LTBR: variants seen among roughly 807,000 people sequenced by gnomAD.
The protein encoded by LTBR is tumor necrosis factor receptor superfamily member 3.
A neutral mutation model predicts 45.4 loss-of-function variants in LTBR; 15 were observed. The ratio of observed to expected loss-of-function variants is 0.33; its 90% CI spans 0.22 to 0.51. The LOEUF (loss-of-function observed/expected upper bound fraction) is 0.51, where lower values mean the gene tolerates loss of function less well. Among genes scored for constraint, LTBR ranks in the 20% least tolerant of loss-of-function variants. The probability of loss-of-function intolerance (pLI) is 0.97; values close to 1 mark genes in which losing one functional copy is unlikely to be tolerated. For synonymous variants in LTBR, 228 were observed against 231.0 expected (o/e 0.99, Z 0.12); for missense variants, 450 against 565.5 (o/e 0.80, Z 2.07).
chr12:6,384,169 C>T lies in LTBR; in HGVS notation c.-190C>T. On this transcript the variant is annotated 5_prime_UTR_variant, in exon 1 of 10. Coordinates refer to ENST00000228918, the MANE Select transcript of LTBR (RefSeq NM_002342.3). Reference sequence around the variant, plus strand: ...CCGCGGCCAGCTCGCTCCACTCCCACTTCCTGAGCTCCGCCATGGGAGCCC... The same window carrying T: ...CCGCGGCCAGCTCGCTCCACTCCCATTTCCTGAGCTCCGCCATGGGAGCCC... 7.7e-7 allele frequency: 1 copy of T among 1,297,304 alleles called. No homozygotes were observed. Among genetic ancestry groups the T allele is most frequent in the Non-Finnish European group, 9.7e-7 (1 of 1,026,978 alleles). The allele number at this position is 1,297,304 out of a possible 1,614,324, so 80.4% of individuals were successfully genotyped here.
chr12:6,376,005 C>G (rs2136917589), intron 1 of LTBR: 1 of 1,005,176 alleles, frequency 9.9e-7, no homozygotes, highest in African/African-American at 1.7e-5. Flanking sequence ...GGAGCCAGCA[C>G]CAAAGGGAGT....
chr12:6,388,619 C>T lies in LTBR; in HGVS notation c.775+114C>T. On this transcript the variant is annotated intron_variant, in intron 7 of 9. Coordinates refer to ENST00000228918, the MANE Select transcript of LTBR (RefSeq NM_002342.3). This position sits in a 1 kb window ranked among gnomAD's most constrained non-coding sequence, Gnocchi z 4.3. ...CAAGACTCCCAATGCCTACCCCCAA[C>T]ATAGACATCCTTATCTTCATCCAGC... 1 of 1,098,148 alleles carries T rather than the reference C, an allele frequency of 9.1e-7. No individual in the cohort carries two copies. The highest frequency in any genetic ancestry group is 1.4e-6 in the Non-Finnish European group (1 of 725,890). The allele number at this position is 1,098,148 out of a possible 1,614,324, so 68.0% of individuals were successfully genotyped here. A position where few individuals can be genotyped will look rare whatever the true frequency, so the allele number is the denominator to read the frequency against.
intron 1 of LTBR, chr12:6,377,243 C>T (rs1342801148): frequency 6.5e-7 from 1 of 1,548,740 alleles, no homozygotes; most frequent in African/African-American, 1.4e-5. Flanking sequence ...ACCAGGTTCC[C>T]TTGCTTACCT....
chr12:6,377,434 C>A (rs969264558), intron 1 of LTBR: 6 of 688,262 alleles, frequency 8.7e-6, no homozygotes, highest in Admixed American at 5.3e-5. Context: ...CTACTTAGCG[C>A]TTTTGCCATT....
Position 6,388,766 on chromosome 12 carries a change from G to C in LTBR, c.776-34G>C, listed in dbSNP as rs373095649. 1 of 1,613,782 alleles carries C rather than the reference G, an allele frequency of 6.2e-7. No homozygotes were observed. The highest frequency in any genetic ancestry group is 1.7e-4 in the Middle Eastern group (1 of 6,022). On this transcript the variant is annotated intron_variant, in intron 7 of 9. Coordinates refer to ENST00000228918, the MANE Select transcript of LTBR (RefSeq NM_002342.3). The surrounding 1 kb of genome is among the most constrained non-coding windows in gnomAD (Gnocchi z 4.3). ...TGAAAGGCTAGGTCTGAGGCCTGCC[G>C]GGGAGCCTACACCCATTTCATTCTC... is the stretch of plus-strand genomic sequence containing the variant.
chr12:6,377,230 C>G lies in LTBR; in HGVS notation c.39+1636C>G, dbSNP rs1364043413. The G allele has an allele frequency of 6.5e-6, 10 of 1,542,656 alleles. No homozygotes were observed. The South Asian group carries it at 1.2e-4, about 19-fold the overall frequency. On this transcript the variant is annotated intron_variant, in intron 1 of 9. Transcript: ENST00000539925. ...TGAAAGCCGGTGTCAACCAGGATTC[C>G]AAACCAGGTTCCCTTGCTTACCTTG...
At chr12:6,384,512 G>A (rs2136927184) in intron 1 of LTBR, 58 bp downstream of exon 1, 1 of 1,599,056 alleles carries the variant, frequency 6.3e-7, no homozygotes, top group African/African-American at 1.3e-5. Flanking sequence ...CTGGGCAGCC[G>A]TCGCTCCATT....
At position 6,386,513 on chromosome 12, in the gene LTBR, A is replaced by G. The variant is rs1419978974; in HGVS notation, c.667+69A>G. On this transcript the variant is annotated intron_variant, in intron 6 of 9. Coordinates refer to ENST00000228918, the MANE Select transcript of LTBR (RefSeq NM_002342.3). The surrounding 1 kb of genome is among the most constrained non-coding windows in gnomAD (Gnocchi z 4.1). ...AATGCCTTAATGCTCCACATCTTAAAAAAAATGGGGAAAAGATGAACACTT... is the reference window on the plus strand; with the variant it reads ...AATGCCTTAATGCTCCACATCTTAAGAAAAATGGGGAAAAGATGAACACTT... 8.2e-7 allele frequency: 1 copy of G among 1,224,718 alleles called. No homozygotes were observed. Among genetic ancestry groups the G allele is most frequent in the East Asian group, 2.4e-5 (1 of 41,584 alleles). The allele number at this position is 1,224,718 out of a possible 1,614,324, so 75.9% of individuals were successfully genotyped here.
At position 6,386,417 on chromosome 12, in the gene LTBR, T is replaced by C. The variant is rs1949048834; in HGVS notation, c.640T>C (p.Leu214=). 6.2e-7 allele frequency: 1 copy of C among 1,613,174 alleles called. No homozygotes were observed. The highest frequency in any genetic ancestry group is 8.5e-7 in the Non-Finnish European group (1 of 1,179,820). The change falls in exon 6 of 10, where the codon TTA becomes CTA. Residue 214 remains leucine (L), a synonymous_variant. Transcript: ENST00000228918. The surrounding 1 kb of genome is among the most constrained non-coding windows in gnomAD (Gnocchi z 4.1). ...GTCCGACACAACCTGCAAAAATCCA[T>C]TAGAGCCACTGCCCCCAGAGATGTC... ...AQSDTTCKNP[L]EPLPPEMSGT...
At chr12:6,382,276 T>C (rs1272165686), upstream of LTBR, among the ~76,000 whole-genome samples, 1 of 152,180 alleles carries the variant, frequency 6.6e-6, no homozygotes, top group African/African-American at 2.4e-5. Context: ...ATGAGGGATT[T>C]GAAGAGTGTG....
At position 6,384,202 on chromosome 12, in the gene LTBR, C is replaced by A; in HGVS notation, c.-157C>A. ...GCTCCGCCATGGGAGCCCTGGAGGC[C>A]CGGCCTGGCCGCTCCCGGCCCTGGG... On this transcript the variant is annotated 5_prime_UTR_variant, in exon 1 of 10. Coordinates refer to ENST00000228918, the MANE Select transcript of LTBR (RefSeq NM_002342.3). 7.6e-7 allele frequency: 1 copy of A among 1,316,700 alleles called. No homozygotes were observed. Among genetic ancestry groups the A allele is most frequent in the Admixed American group, 3.9e-5 (1 of 25,596 alleles). The allele number at this position is 1,316,700 out of a possible 1,614,324, so 81.6% of individuals were successfully genotyped here. A position where few individuals can be genotyped will look rare whatever the true frequency, so the allele number is the denominator to read the frequency against.
intron 1 of LTBR, chr12:6,376,207 C>T (rs748408615): frequency 1.9e-4 from 186 of 984,288 alleles, no homozygotes; most frequent in African/African-American, 2.1e-4. Context: ...AGGTGGGATG[C>T]GTCTGCCTCC....
intron 1 of LTBR, among the ~76,000 whole-genome samples, chr12:6,378,925 A>G (rs1206497437): frequency 1.3e-5 from 2 of 151,896 alleles, no homozygotes; most frequent in Non-Finnish European, 2.9e-5. Flanking sequence ...GCCATAAAAT[A>G]TGCACGGCTG....
In LTBR at chr12:6,388,609, C is replaced by T; in HGVS notation, c.775+104C>T. ...TCCACACCCTCAAGACTCCCAATGC[C>T]TACCCCCAACATAGACATCCTTATC... On this transcript the variant is annotated intron_variant, in intron 7 of 9. Transcript: ENST00000228918. The surrounding 1 kb of genome is among the most constrained non-coding windows in gnomAD (Gnocchi z 4.3). 9.0e-7 allele frequency: 1 copy of T among 1,116,466 alleles called. No homozygotes were observed. Among genetic ancestry groups the T allele is most frequent in the Non-Finnish European group, 1.4e-6 (1 of 739,898 alleles). 69.2% of individuals were successfully genotyped at this position (1,116,466 alleles called of 1,614,324 possible).
At chr12:6,375,485 A>G (rs900837251) in exon 1 of LTBR, 46 of 1,535,546 alleles carry the variant, frequency 3.0e-5, no homozygotes, top group Non-Finnish European at 4.0e-5. Flanking sequence ...TCTGGCAGCC[A>G]AACCTCTCCT....
chr12:6,379,779 A>AT (rs1363424666), upstream of LTBR, among the ~76,000 whole-genome samples: 1 of 151,590 alleles, frequency 6.6e-6, no homozygotes, highest in Non-Finnish European at 1.5e-5. Flanking sequence ...AATTACAAAA[A>AT]AAATTAGCTG....
At chr12:6,375,326 C>A, upstream of LTBR, 1 of 1,441,550 alleles carries the variant, frequency 6.9e-7, no homozygotes. Flanking sequence ...TCACTCTAGG[C>A]CCTCAGCTCC....
chr12:6,384,453 C>G lies in LTBR; in HGVS notation c.95C>G (p.Ala32Gly). The G allele has an allele frequency of 6.4e-7, 1 of 1,556,314 alleles. No homozygotes were observed. Among genetic ancestry groups the G allele is most frequent in the Non-Finnish European group, 8.7e-7 (1 of 1,152,292 alleles). Residue 32 changes from alanine (A) to glycine (G), a missense_variant and splice_region_variant, in exon 1 of 10, where the codon GCG (alanine) becomes GGG (glycine). By Grantham distance (60) the Ala-to-Gly change is moderately conservative. Transcript: ENST00000228918. Reference protein sequence around the residue: ...FGLLAASQPQAVPPYASENQT... With the variant: ...FGLLAASQPQGVPPYASENQT... ...CTCCTGGCAGCATCGCAGCCCCAGG[C>G]GGTGAGGAAGGGGCCTGGTAGGAGT...
At position 6,384,417 on chromosome 12, in the gene LTBR, G is replaced by A; in HGVS notation, c.59G>A (p.Gly20Asp). The change falls in exon 1 of 10, where the codon GGC (glycine) becomes GAC (aspartate). Residue 20 changes from glycine to aspartate, a missense_variant. By Grantham distance (94) the Gly-to-Asp change is moderately conservative (BLOSUM62 -1). Around this residue, in one of 3 missense-constraint regions of LTBR, gnomAD observed 367 missense variants for 435.4 expected, o/e 0.84. Coordinates refer to ENST00000228918, the MANE Select transcript of LTBR (RefSeq NM_002342.3). ...CTGGCCTGGGGGCCTCTGGTGCTGG[G>A]CCTCTTCGGGCTCCTGGCAGCATCG... ...PGLAWGPLVL[G>D]LFGLLAASQP... 6.5e-7 allele frequency: 1 copy of A among 1,544,978 alleles called. No individual in the cohort carries two copies. Among genetic ancestry groups the A allele is most frequent in the Non-Finnish European group, 8.7e-7 (1 of 1,148,788 alleles).
Sources: allele counts gnomAD v4.1 joint callset (sites outside exome capture counted in the v4.1 genomes callset), GRCh38; gene constraint gnomAD v4.1.1; regional missense constraint gnomAD v4.1.1; non-coding constraint Gnocchi (gnomAD v3.1); transcripts MANE v1.5; gene names NCBI Gene and HGNC (gene_info 2026-07-23, HGNC 2026-07-21).